Variants in IMMP2L observed in about 807,000 individuals in gnomAD.
IMMP2L encodes the protein inner mitochondrial membrane peptidase subunit 2.
In IMMP2L, 18 loss-of-function variants were observed where a neutral mutation model predicts 19.3. The ratio of observed to expected loss-of-function variants is 0.93; its 90% CI spans 0.64 to 1.38. The LOEUF (loss-of-function observed/expected upper bound fraction) is 1.38, where lower values mean the gene tolerates loss of function less well. Among genes scored for constraint, IMMP2L ranks in the 40% most tolerant of loss-of-function variants. The pLI is 0.00. For missense variants in IMMP2L, 233 were observed against 218.2 expected (o/e 1.07, Z -0.43); for synonymous variants, 76 against 73.0 (o/e 1.04, Z -0.21).
intron 5 of IMMP2L, among the ~76,000 whole-genome samples, chr7:110,693,879 G>A (rs1793682015): frequency 6.6e-6 from 1 of 152,088 alleles, no homozygotes; most frequent in Non-Finnish European, 1.5e-5. Flanking sequence ...GTCTTTCTGG[G>A]GTACTTGTGG....
chr7:110,880,298 A>G (rs921773067), intron 5 of IMMP2L, among the ~76,000 whole-genome samples: 2 of 152,116 alleles, frequency 1.3e-5, no homozygotes, highest in African/African-American at 2.4e-5. Flanking sequence ...ATCTTTTTCA[A>G]ATACAACCAA....
chr7:111,442,990 G>C lies in IMMP2L; in HGVS notation c.239+44248C>G, dbSNP rs143705220. Reference sequence around the variant, plus strand: ...AACACAGGCCTCATACAACCATCTAGAATCTCTCAGTTTCACCTTCGCTTC... The same window carrying C: ...AACACAGGCCTCATACAACCATCTACAATCTCTCAGTTTCACCTTCGCTTC... On this transcript the variant is annotated intron_variant, in intron 3 of 5. Coordinates refer to ENST00000405709, the MANE Select transcript of IMMP2L (RefSeq NM_032549.4). Among the ~76,000 whole-genome samples the C allele has an allele frequency of 1.6e-3, 236 of 151,972 alleles. 2 individuals carry two copies. The highest frequency in any genetic ancestry group is 4.6e-3 in the African/African-American group (188 of 41,300).
chr7:111,075,704 T>A (rs1001017888), intron 3 of IMMP2L, among the ~76,000 whole-genome samples: 6 of 152,130 alleles, frequency 3.9e-5, no homozygotes, highest in Admixed American at 3.9e-4. Flanking sequence ...GGTCAGACTC[T>A]CAGGACTTCT....
chr7:110,844,667 A>G (rs1386530255), intron 5 of IMMP2L, among the ~76,000 whole-genome samples: 1 of 70,822 alleles, frequency 1.4e-5, no homozygotes, highest in East Asian at 1.3e-3. Flanking sequence ...AGTGGGAGAT[A>G]AAGCACTTAG....
intron 3 of IMMP2L, among the ~76,000 whole-genome samples, chr7:111,024,611 T>A (rs1826630641): frequency 6.6e-6 from 1 of 152,204 alleles, no homozygotes; most frequent in Non-Finnish European, 1.5e-5. Flanking sequence ...TTGTTTCATA[T>A]ATTTTGCCCT....
At chr7:111,399,127 A>G (rs1185259454) in intron 3 of IMMP2L, among the ~76,000 whole-genome samples, 1 of 152,098 alleles carries the variant, frequency 6.6e-6, no homozygotes, top group African/African-American at 2.4e-5. Context: ...ATTAGAAAAA[A>G]CAATTCTAAA....
At chr7:111,430,890 T>G in intron 3 of IMMP2L, among the ~76,000 whole-genome samples, 1 of 151,918 alleles carries the variant, frequency 6.6e-6, no homozygotes. Flanking sequence ...GTGGATCACT[T>G]GAGGTCAGCA....
At chr7:110,723,624 T>C (rs972853000) in intron 5 of IMMP2L, among the ~76,000 whole-genome samples, 1 of 152,160 alleles carries the variant, frequency 6.6e-6, no homozygotes, top group Non-Finnish European at 1.5e-5. Context: ...ATATGTGTGG[T>C]AAGATATCTT....
intron 5 of IMMP2L, among the ~76,000 whole-genome samples, chr7:110,786,604 A>G (rs1800097353): frequency 6.6e-6 from 1 of 152,068 alleles, no homozygotes; most frequent in Admixed American, 6.6e-5. Flanking sequence ...AACACTAAGT[A>G]TGATCTAAAT....
chr7:110,780,553 G>A (rs184476755), intron 5 of IMMP2L, among the ~76,000 whole-genome samples: 5 of 151,034 alleles, frequency 3.3e-5, no homozygotes, highest in African/African-American at 9.7e-5. Flanking sequence ...ACAACTCTTC[G>A]AACACACAAC....
At chr7:110,851,684 C>T (rs1806240321) in intron 5 of IMMP2L, among the ~76,000 whole-genome samples, 1 of 152,090 alleles carries the variant, frequency 6.6e-6, no homozygotes, top group South Asian at 2.1e-4. Context: ...ATTGAACTAA[C>T]TCACAAAATT....
At chr7:110,962,356 AC>A (rs1819039686) in intron 4 of IMMP2L, 1 of 151,972 alleles carries the variant, frequency 6.6e-6, no homozygotes, top group Non-Finnish European at 1.5e-5. Context: ...CCAATAATAA[AC>A]CCTTATGTTA....
intron 3 of IMMP2L, among the ~76,000 whole-genome samples, chr7:111,436,506 T>A (rs761548739): frequency 1.3e-4 from 20 of 151,608 alleles, no homozygotes; most frequent in Admixed American, 6.6e-5. Context: ...AAGTCTTTTT[T>A]TCTTACACAC....
chr7:111,390,664 C>G (rs1194994972), intron 3 of IMMP2L: 1 of 152,098 alleles, frequency 6.6e-6, no homozygotes, highest in Non-Finnish European at 1.5e-5. Context: ...AAATTTCCCT[C>G]TTATGGTCCA....
In IMMP2L at chr7:111,213,565, T is replaced by G. The variant is rs1296858111; in HGVS notation, c.240-250000A>C. 3.9e-5 allele frequency among the ~76,000 whole-genome samples: 6 copies of G among 152,170 alleles called. No individual in the cohort carries two copies. Among genetic ancestry groups the G allele is most frequent in the Non-Finnish European group, 8.8e-5 (6 of 68,028 alleles). Reference sequence around the variant, plus strand: ...ACTTGTGGTACCTTCCAGCCCTGCCTATGGCCACCCTTGGACAAACTGGTG... The same window carrying G: ...ACTTGTGGTACCTTCCAGCCCTGCCGATGGCCACCCTTGGACAAACTGGTG... On this transcript the variant is annotated intron_variant, in intron 3 of 5. Coordinates refer to ENST00000405709, the MANE Select transcript of IMMP2L (RefSeq NM_032549.4). This position sits in a 1 kb window ranked among gnomAD's most constrained non-coding sequence, Gnocchi z 4.8.
chr7:110,676,104 C>T (rs1348395538), intron 5 of IMMP2L, among the ~76,000 whole-genome samples: 9 of 152,168 alleles, frequency 5.9e-5, no homozygotes. Context: ...ATGATAGAAG[C>T]AAGATTTGAA....
intron 1 of IMMP2L, among the ~76,000 whole-genome samples, chr7:111,525,896 A>G (rs931645293): frequency 2.0e-5 from 3 of 152,156 alleles, no homozygotes; most frequent in African/African-American, 7.2e-5. Context: ...GATGAGCATT[A>G]AAAGGGACGA....
At chr7:111,031,381 G>GGTGTGTGTGTGTGT (rs1554496351) in intron 3 of IMMP2L, among the ~76,000 whole-genome samples, 7 of 72,660 alleles carry the variant, frequency 9.6e-5, no homozygotes, top group South Asian at 3.1e-4. Context: ...GGGGTGTAGG[G>GGTGTGTGTGTGTGT]GTGTGTGTGT....
In IMMP2L at chr7:111,341,126, A is replaced by T. The variant is rs78944539; in HGVS notation, c.239+146112T>A. 1.4e-3 allele frequency among the ~76,000 whole-genome samples: 212 copies of T among 152,282 alleles called. 2 individuals carry two copies. The highest frequency in any genetic ancestry group is 4.8e-3 in the African/African-American group (200 of 41,590). On this transcript the variant is annotated intron_variant, in intron 3 of 5. Coordinates refer to ENST00000405709, the MANE Select transcript of IMMP2L (RefSeq NM_032549.4). ...TCAAAGATTACATTCTGCAGCAATGAATTCAGCAGAGCAATATTGAGAATA... is the reference window on the plus strand; with the variant it reads ...TCAAAGATTACATTCTGCAGCAATGTATTCAGCAGAGCAATATTGAGAATA...
Sources: allele counts gnomAD v4.1 joint callset (sites outside exome capture counted in the v4.1 genomes callset), GRCh38; gene constraint gnomAD v4.1.1; non-coding constraint Gnocchi (gnomAD v3.1); transcripts MANE v1.5; gene names NCBI Gene and HGNC (gene_info 2026-07-23, HGNC 2026-07-21).